Variants in ZNF518A observed in about 807,000 individuals in gnomAD.
ZNF518A encodes the protein zinc finger protein 518.
Under a neutral mutation model 102.7 loss-of-function variants are expected in ZNF518A, and 47 were observed. The ratio of observed to expected loss-of-function variants is 0.46; its 90% CI spans 0.36 to 0.58. The LOEUF is 0.58. Among genes scored for constraint, ZNF518A ranks in the 20% least tolerant of loss-of-function variants. The pLI, the probability that ZNF518A is intolerant of heterozygous loss-of-function variation, is 0.00. For synonymous variants in ZNF518A, 652 were observed against 594.6 expected, an observed-to-expected ratio of 1.10 and a Z score of -1.40; for missense variants, 1,793 against 1,699.8, an observed-to-expected ratio of 1.05 and a Z score of -0.96.
chr10:96,194,346 A>G (rs2083404523), intron 1 of ZNF518A, among the ~76,000 whole-genome samples: 1 of 152,242 alleles, frequency 6.6e-6, no homozygotes, highest in Admixed American at 6.5e-5. Context: ...GCATTTTAAA[A>G]TTATCTGAGA....
At chr10:96,199,357 TTTTG>T (rs112983493) in intron 1 of ZNF518A, 14,025 of 252,214 alleles carry the variant, frequency 0.056, 675 homozygotes, top group East Asian at 0.12. Context: ...TCCAGGTATT[TTTTG>T]TTTGTTTGTT....
At chr10:96,190,289 G>A in intron 1 of ZNF518A, 1 of 672,714 alleles carries the variant, frequency 1.5e-6, no homozygotes, top group Admixed American at 2.0e-5. Context: ...CAAGAGAACA[G>A]CCATACAGGA....
chr10:96,130,643 C>G lies in ZNF518A; in HGVS notation c.-562C>G, dbSNP rs2081282657. 1 of 152,330 alleles carries G rather than the reference C, an allele frequency of 6.6e-6. No homozygotes were observed. The highest frequency in any genetic ancestry group is 2.1e-4 in the South Asian group (1 of 4,832). 9.4% of individuals were successfully genotyped at this position (152,330 alleles called of 1,614,324 possible). A position where few individuals can be genotyped will look rare whatever the true frequency, so the allele number is the denominator to read the frequency against. ...CCCTCGAGCTATAGGTTCGCAGGCCCGACTCGACGGCGTCCCTATTGCTGG... is the reference window on the plus strand; with the variant it reads ...CCCTCGAGCTATAGGTTCGCAGGCCGGACTCGACGGCGTCCCTATTGCTGG... On this transcript the variant is annotated 5_prime_UTR_variant, in exon 1 of 6. Coordinates refer to ENST00000316045, the MANE Select transcript of ZNF518A (RefSeq NM_001330736.2).
intron 1 of ZNF518A, among the ~76,000 whole-genome samples, chr10:96,203,268 T>C (rs2083698545): frequency 4.6e-5 from 7 of 152,192 alleles, no homozygotes. Context: ...GCCAAATCAT[T>C]TTCACTTTGT....
chr10:96,204,738 G>A, downstream of ZNF518A: 1 of 833,576 alleles, frequency 1.2e-6, no homozygotes, highest in Non-Finnish European at 2.0e-6. Flanking sequence ...ACATGTCTTA[G>A]TTACTGAGAT....
intron 1 of ZNF518A, among the ~76,000 whole-genome samples, chr10:96,199,736 T>G (rs2083578123): frequency 6.6e-6 from 1 of 152,172 alleles, no homozygotes; most frequent in Non-Finnish European, 1.5e-5. Flanking sequence ...TGATCAGACC[T>G]TGGCCGGGCG....
chr10:96,139,522 A>G (rs1454209814), intron 3 of ZNF518A, among the ~76,000 whole-genome samples: 2 of 152,172 alleles, frequency 1.3e-5, no homozygotes, highest in African/African-American at 4.8e-5. Context: ...CTCCCCAGAC[A>G]CCAAATCGCC....
chr10:96,160,309 T>C lies in ZNF518A; in HGVS notation c.3987T>C (p.Leu1329=). The change falls in exon 6 of 6, where the codon CTT becomes CTC. Residue 1329 remains leucine, a synonymous_variant. Coordinates refer to ENST00000316045, the MANE Select transcript of ZNF518A (RefSeq NM_001330736.2). ...LSKDSIRTLR[L]FPFSSKQLVK... The stretch of plus-strand genomic sequence containing the variant: ...AAGATTCCATCAGAACTTTGCGGCT[T>C]TTCCCTTTTAGTTCTAAACAGCTTG... The C allele has an allele frequency of 3.7e-6, 6 of 1,613,704 alleles. No individual in the cohort carries two copies. Among genetic ancestry groups the C allele is most frequent in the Non-Finnish European group, 5.1e-6 (6 of 1,179,712 alleles).
intron 1 of ZNF518A, chr10:96,189,457 T>C (rs1406807333): frequency 1.6e-6 from 1 of 621,532 alleles, no homozygotes; most frequent in South Asian, 1.4e-5. Context: ...GCTTCCACTT[T>C]GGGAAGAGAA....
chr10:96,186,404 G>T (rs924391472), intron 1 of ZNF518A, among the ~76,000 whole-genome samples: 3 of 152,152 alleles, frequency 2.0e-5, no homozygotes, highest in African/African-American at 7.2e-5. Context: ...CATAAAGTAG[G>T]TTGCTTTTTT....
intron 1 of ZNF518A, among the ~76,000 whole-genome samples, chr10:96,202,963 G>A (rs782563115): frequency 2.0e-5 from 3 of 152,120 alleles, no homozygotes; most frequent in East Asian, 1.9e-4. Flanking sequence ...CCCTGCCTCC[G>A]TTACTCTCTG....
At chr10:96,192,265 T>C (rs587745152) in intron 1 of ZNF518A, among the ~76,000 whole-genome samples, 40 of 152,318 alleles carry the variant, frequency 2.6e-4, no homozygotes, top group Non-Finnish European at 5.0e-4. Flanking sequence ...TGGCAGACCT[T>C]GGACTTTGCT....
At chr10:96,176,971 C>T (rs1463446963) in intron 1 of ZNF518A, among the ~76,000 whole-genome samples, 2 of 151,444 alleles carry the variant, frequency 1.3e-5, no homozygotes, top group African/African-American at 4.9e-5. Context: ...CCAGCTACTT[C>T]AGTGGCTGCA....
At chr10:96,197,075 T>A in intron 1 of ZNF518A, 1 of 1,605,360 alleles carries the variant, frequency 6.2e-7, no homozygotes. Context: ...TGTTTAATTT[T>A]TTTTAAAAAA....
intron 1 of ZNF518A, among the ~76,000 whole-genome samples, chr10:96,182,862 T>C (rs1190028779): frequency 1.3e-5 from 2 of 152,238 alleles, no homozygotes; most frequent in African/African-American, 4.8e-5. Flanking sequence ...GGATTCCCTC[T>C]TTTTCTATTG....
chr10:96,189,227 G>T (rs764285271), intron 1 of ZNF518A: 5 of 368,394 alleles, frequency 1.4e-5, no homozygotes, highest in Non-Finnish European at 2.5e-5. Flanking sequence ...TCTTGGCAAT[G>T]GAACCTGGAC....
At chr10:96,189,423 T>A in intron 1 of ZNF518A, 1 of 602,764 alleles carries the variant, frequency 1.7e-6, no homozygotes, top group Non-Finnish European at 3.1e-6. Context: ...CCGGAAGCAA[T>A]TCTTCACATA....
chr10:96,168,109 G>C (rs1456887990), downstream of ZNF518A, among the ~76,000 whole-genome samples: 1 of 152,198 alleles, frequency 6.6e-6, no homozygotes, highest in African/African-American at 2.4e-5. Context: ...AAGAACAAGA[G>C]TTACGAACAG....
rs1554884870 is a variant in ZNF518A, at chr10:96,158,634, AG to A, written c.2313del (p.Ser772AlafsTer12). On this transcript the variant is annotated frameshift_variant, in exon 6 of 6. Coordinates refer to ENST00000316045, the MANE Select transcript of ZNF518A (RefSeq NM_001330736.2). LOFTEE classifies it high-confidence loss of function. ...AGAATCACATCTGTTTTCTCTCTCC[AG>A]AGCCAACAGGCATCAGAATTTCTGC... Reference protein sequence around the residue: ...MPRITSVFSLQSQQASEFLPP... With the variant: ...MPRITSVFSLXSQQASEFLPP... 6.2e-7 allele frequency: 1 copy of A among 1,613,396 alleles called. No homozygotes were observed.
Sources: gnomAD v4.1 joint callset for allele counts (sites outside exome capture counted in the v4.1 genomes callset) on GRCh38, gnomAD v4.1.1 for gene constraint, MANE v1.5 for transcripts, NCBI Gene and HGNC (gene_info 2026-07-23, HGNC 2026-07-21) for gene names.